SCFD2: variants seen among roughly 807,000 people sequenced by gnomAD.
SCFD2 encodes the protein sec1 family domain containing 2.
In SCFD2, 54 loss-of-function variants were observed where a neutral mutation model predicts 58.9. That is an observed-to-expected ratio of 0.92 (90% CI 0.74 to 1.15). The LOEUF (loss-of-function observed/expected upper bound fraction) is 1.15. Among genes scored for constraint, SCFD2 ranks in the 50% most tolerant of loss-of-function variants. SCFD2 has a pLI of 0.00. For synonymous variants in SCFD2, 321 were observed against 335.9 expected, an observed-to-expected ratio of 0.96 and a Z score of 0.49; for missense variants, 805 against 836.6, an observed-to-expected ratio of 0.96 and a Z score of 0.47.
chr4:53,035,954 A>T (rs1722747582), intron 5 of SCFD2, among the ~76,000 whole-genome samples: 1 of 152,156 alleles, frequency 6.6e-6, no homozygotes. Context: ...AATACCATTG[A>T]CCCAGCAATC....
chr4:52,972,650 C>T (rs537309329), intron 5 of SCFD2, among the ~76,000 whole-genome samples: 2 of 152,288 alleles, frequency 1.3e-5, no homozygotes, highest in Admixed American at 1.3e-4. Context: ...TTGAACTCAG[C>T]TCTGCACCAA....
intron 2 of SCFD2, among the ~76,000 whole-genome samples, chr4:53,351,169 G>C (rs1734208724): frequency 6.6e-6 from 1 of 152,172 alleles, no homozygotes; most frequent in African/African-American, 2.4e-5. Flanking sequence ...TAAAATGCTT[G>C]GAAGTGTATC....
chr4:53,246,279 G>A (rs1277501572), intron 4 of SCFD2, among the ~76,000 whole-genome samples: 1 of 152,114 alleles, frequency 6.6e-6, no homozygotes, highest in Non-Finnish European at 1.5e-5. Flanking sequence ...CCAAAGCAAT[G>A]TACAGATTCA....
chr4:53,362,800 T>C (rs1734583219), intron 1 of SCFD2, among the ~76,000 whole-genome samples: 1 of 152,212 alleles, frequency 6.6e-6, no homozygotes, highest in African/African-American at 2.4e-5. Context: ...GGAGAGGGTA[T>C]TTGAAAAACA....
At chr4:52,975,372 A>C (rs1275852015) in intron 5 of SCFD2, among the ~76,000 whole-genome samples, 1 of 152,248 alleles carries the variant, frequency 6.6e-6, no homozygotes, top group African/African-American at 2.4e-5. Context: ...ATATGAACAG[A>C]CACTTCTCAA....
At chr4:53,294,683 CT>C (rs1731961351) in intron 3 of SCFD2, among the ~76,000 whole-genome samples, 1 of 152,104 alleles carries the variant, frequency 6.6e-6, no homozygotes, top group Admixed American at 6.6e-5. Context: ...GTTGCCATTG[CT>C]TTTGGTGTTT....
At chr4:53,058,780 AATATAC>A (rs1442677345) in intron 5 of SCFD2, among the ~76,000 whole-genome samples, 4 of 152,172 alleles carry the variant, frequency 2.6e-5, no homozygotes, top group African/African-American at 9.6e-5. Context: ...TGGAAGACTG[AATATAC>A]AAGTTTATAT....
At chr4:53,242,500 GACT>G (rs1394108619) in intron 4 of SCFD2, among the ~76,000 whole-genome samples, 2 of 152,092 alleles carry the variant, frequency 1.3e-5, no homozygotes, top group African/African-American at 4.8e-5. Context: ...CAACTTCAAA[GACT>G]GAAGGAACAT....
At chr4:52,956,190 C>T (rs1445662916) in intron 5 of SCFD2, 7 of 456,664 alleles carry the variant, frequency 1.5e-5, no homozygotes, top group Admixed American at 7.0e-5. Flanking sequence ...AATGGTCATC[C>T]CTGGAGCAGC....
Position 52,897,737 on chromosome 4 carries a change from C to T in SCFD2, c.1842+9720G>A, listed in dbSNP as rs541427524. 2.7e-3 allele frequency among the ~76,000 whole-genome samples: 411 copies of T among 152,248 alleles called. 1 individual carries two copies. The highest frequency in any genetic ancestry group is 9.3e-3 in the African/African-American group (387 of 41,542). On this transcript the variant is annotated intron_variant, in intron 7 of 8. Transcript: ENST00000401642. ...ATAGTTTCAGAAGGAATGGTACCAG[C>T]TCCTCCTTGTACCTCTGGTAGAATT...
At chr4:52,945,095 A>G (rs1406779490) in intron 5 of SCFD2, among the ~76,000 whole-genome samples, 4 of 152,200 alleles carry the variant, frequency 2.6e-5, no homozygotes, top group East Asian at 1.9e-4. Context: ...AAAAAGCTCT[A>G]TATACTTCTA....
intron 4 of SCFD2, among the ~76,000 whole-genome samples, chr4:53,157,088 T>C (rs1348108789): frequency 6.6e-6 from 1 of 152,234 alleles, no homozygotes; most frequent in Non-Finnish European, 1.5e-5. Context: ...ATATATGCCA[T>C]TGCCAGATGA....
intron 5 of SCFD2, among the ~76,000 whole-genome samples, chr4:52,999,910 T>C (rs1275879992): frequency 6.6e-6 from 1 of 152,248 alleles, no homozygotes; most frequent in Non-Finnish European, 1.5e-5. Flanking sequence ...AGGATGGCAG[T>C]CGCTGAGCTG....
Position 53,342,909 on chromosome 4 carries a change from A to G in SCFD2, c.1007+9689T>C, listed in dbSNP as rs569828217. ...GAAATAAAGATGTTCTTTGAAACCA[A>G]TGAGAACAGAGACACAACATACCAG... On this transcript the variant is annotated intron_variant, in intron 2 of 8. Coordinates refer to ENST00000401642, the MANE Select transcript of SCFD2 (RefSeq NM_152540.4). Among the ~76,000 whole-genome samples the G allele has an allele frequency of 2.6e-5, 4 of 152,360 alleles. No individual in the cohort carries two copies. The South Asian group carries it at 6.2e-4, about 24-fold the overall frequency.
At chr4:52,906,352 A>G (rs1357193205) in intron 7 of SCFD2, among the ~76,000 whole-genome samples, 1 of 152,208 alleles carries the variant, frequency 6.6e-6, no homozygotes, top group Non-Finnish European at 1.5e-5. Context: ...AAGAATGCTC[A>G]AGTGGAAAAG....
At chr4:52,896,065 C>A (rs1284191625) in intron 7 of SCFD2, among the ~76,000 whole-genome samples, 3 of 152,006 alleles carry the variant, frequency 2.0e-5, no homozygotes, top group Non-Finnish European at 4.4e-5. Flanking sequence ...GATATTAGCC[C>A]TTTGTCAGAT....
chr4:53,163,242 T>C (rs1369294815), intron 4 of SCFD2, among the ~76,000 whole-genome samples: 1 of 152,196 alleles, frequency 6.6e-6, no homozygotes, highest in Non-Finnish European at 1.5e-5. Context: ...AAAAAAGGCT[T>C]GAGTGCTGGA....
At chr4:53,214,726 C>T (rs1728753097) in intron 4 of SCFD2, among the ~76,000 whole-genome samples, 1 of 152,008 alleles carries the variant, frequency 6.6e-6, no homozygotes, top group African/African-American at 2.4e-5. Flanking sequence ...AAGTCCTTGC[C>T]CATGCCTATG....
intron 7 of SCFD2, among the ~76,000 whole-genome samples, chr4:52,894,281 A>G (rs1481674159): frequency 1.3e-5 from 2 of 152,252 alleles, no homozygotes; most frequent in East Asian, 3.8e-4. Flanking sequence ...AAAGGGCCTC[A>G]TGCAGTTTCA....
Sources: allele counts gnomAD v4.1 joint callset (sites outside exome capture counted in the v4.1 genomes callset), GRCh38; gene constraint gnomAD v4.1.1; transcripts MANE v1.5; gene names NCBI Gene and HGNC (gene_info 2026-07-23, HGNC 2026-07-21).